The following CD34 variants were observed in gnomAD, a reference collection of about 807,000 sequenced individuals.
The protein encoded by CD34 is CD34 molecule.
Under a neutral mutation model 40.1 loss-of-function variants are expected in CD34, and 34 were observed. The observed-to-expected ratio is 0.85, with a 90% CI of 0.65 to 1.13. The LOEUF is 1.13. Among genes scored for constraint, CD34 ranks in the 50% most tolerant of loss-of-function variants. The pLI, the probability that CD34 is intolerant of heterozygous loss-of-function variation, is 0.00. For synonymous variants in CD34, 209 were observed against 190.0 expected (o/e 1.10, Z -0.82); for missense variants, 426 against 466.9 (o/e 0.91, Z 0.81).
chr1:207,908,676 C>T (rs1662439266), intron 1 of CD34, among the ~76,000 whole-genome samples: 1 of 152,122 alleles, frequency 6.6e-6, no homozygotes, highest in Non-Finnish European at 1.5e-5. Flanking sequence ...AAGGGGTTCC[C>T]TAATTACCTG....
intron 3 of CD34, among the ~76,000 whole-genome samples, chr1:207,898,594 C>A (rs1262911649): frequency 1.3e-5 from 2 of 152,206 alleles, no homozygotes; most frequent in South Asian, 4.1e-4. Context: ...TTTGTCCTAA[C>A]CATTGTGGGA....
chr1:207,901,718 CCT>C (rs1662274435), intron 1 of CD34, among the ~76,000 whole-genome samples: 1 of 152,174 alleles, frequency 6.6e-6, no homozygotes, highest in African/African-American at 2.4e-5. Flanking sequence ...AGTTAGTTGG[CCT>C]GACTTACAAC....
In CD34 at chr1:207,887,882, GC is replaced by G. The variant is rs1425054807; in HGVS notation, c.1013del (p.Gly338AlafsTer18). 6.2e-7 allele frequency: 1 copy of G among 1,614,162 alleles called. No homozygotes were observed. Among genetic ancestry groups the G allele is most frequent in the East Asian group, 2.2e-5 (1 of 44,884 alleles). ...PYYTENGGGQ[G>X]YSSGPGTSPE... is the part of the protein sequence containing the mutation. The stretch of plus-strand genomic sequence containing the variant: ...GGGAGGTCCCAGGTCCTGAGCTATA[GC>G]CCTGGCCTCCACCGTTTTCCGTGTA... On this transcript the variant is annotated frameshift_variant, in exon 8 of 8. Transcript: ENST00000310833. LOFTEE classifies it high-confidence loss of function.
chr1:207,909,472 G>C (rs1662454716), intron 1 of CD34, among the ~76,000 whole-genome samples: 1 of 151,942 alleles, frequency 6.6e-6, no homozygotes, highest in Admixed American at 6.6e-5. Flanking sequence ...GCAGTGCCAG[G>C]ATCTTGGCTC....
chr1:207,888,819 C>T lies in CD34; in HGVS notation c.835G>A (p.Asp279Asn), dbSNP rs1181811731. Residue 279 changes from aspartate (D) to asparagine (N), a missense_variant, in exon 7 of 8, where the codon GAT becomes AAT. Asp to Asn is a conservative substitution (Grantham distance 23, BLOSUM62 1). Coordinates refer to ENST00000310833, the MANE Select transcript of CD34 (RefSeq NM_001025109.2). ...KLGILDFTEQ[D>N]VASHQSYSQK... is the part of the protein sequence containing the mutation. ...GAATAGCTCTGGTGGCTTGCAACATCTTGCTCAGTGAAATCTAGGATCCCC... is the reference window on the plus strand; with the variant it reads ...GAATAGCTCTGGTGGCTTGCAACATTTTGCTCAGTGAAATCTAGGATCCCC... 1 of 1,614,200 alleles carries T rather than the reference C, an allele frequency of 6.2e-7. No individual in the cohort carries two copies. The highest frequency in any genetic ancestry group is 1.3e-5 in the African/African-American group (1 of 75,066).
chr1:207,905,025 G>A (rs142216999), intron 1 of CD34, among the ~76,000 whole-genome samples: 1 of 152,312 alleles, frequency 6.6e-6, no homozygotes, highest in Non-Finnish European at 1.5e-5. Context: ...ATTGTTGAGG[G>A]TCTAGTGTTA....
chr1:207,883,647 G>T lies in CD34; in HGVS notation c.*4091C>A, dbSNP rs1313760383. The T allele has an allele frequency of 6.6e-6, 1 of 152,118 alleles. No homozygotes were observed. Among genetic ancestry groups the T allele is most frequent in the Admixed American group, 6.5e-5 (1 of 15,278 alleles). The allele number at this position is 152,118 out of a possible 1,614,324, so 9.4% of individuals were successfully genotyped here. A position where few individuals can be genotyped will look rare whatever the true frequency, so the allele number is the denominator to read the frequency against. On this transcript the variant is annotated 3_prime_UTR_variant, in exon 8 of 8. Coordinates refer to ENST00000310833, the MANE Select transcript of CD34 (RefSeq NM_001025109.2). Reference sequence around the variant, plus strand: ...AGAACCTACTTCACAGGGTTTCTGTGAATGTTAAGTAAAATATGCTATTTA... The same window carrying T: ...AGAACCTACTTCACAGGGTTTCTGTTAATGTTAAGTAAAATATGCTATTTA...
intron 3 of CD34, 137 bp from the exon 4 acceptor site, chr1:207,897,710 A>C (rs961271055): frequency 1.5e-6 from 1 of 679,462 alleles, no homozygotes; most frequent in South Asian, 1.7e-5. Context: ...GGACATTTAA[A>C]ATTTGTCAGG....
chr1:207,889,671 C>T (rs1661988820), intron 4 of CD34, 50 bp from the exon 5 acceptor site: 1 of 1,611,224 alleles, frequency 6.2e-7, no homozygotes, highest in Non-Finnish European at 8.5e-7. Context: ...TACTGCTCTG[C>T]CCTAAACTGC....
chr1:207,910,857 G>C (rs1662496202), intron 1 of CD34, 145 bp downstream of exon 1: 1 of 814,436 alleles, frequency 1.2e-6, no homozygotes. Flanking sequence ...CTGGCCCCGG[G>C]GGGAAGCAGC....
In CD34 at chr1:207,895,125, A is replaced by T. The variant is rs1337476294; in HGVS notation, c.597+2368T>A. On this transcript the variant is annotated intron_variant, in intron 4 of 7. Transcript: ENST00000310833. ...ATACCTTAAGGCCCTCTGACACCGAAAGTACAAATCCAACCTAAGGAAAAT... is the reference window on the plus strand; with the variant it reads ...ATACCTTAAGGCCCTCTGACACCGATAGTACAAATCCAACCTAAGGAAAAT... Among the ~76,000 whole-genome samples the T allele has an allele frequency of 3.9e-5, 6 of 152,182 alleles. No homozygotes were observed. In the East Asian group the frequency reaches 1.2e-3, roughly 29 times the overall value.
At position 207,899,964 on chromosome 1, in the gene CD34, G is replaced by A. The variant is rs1168777427; in HGVS notation, c.119C>T (p.Thr40Ile). 1 of 1,613,220 alleles carries A rather than the reference G, an allele frequency of 6.2e-7. No individual in the cohort carries two copies. The highest frequency in any genetic ancestry group is 1.3e-5 in the African/African-American group (1 of 74,890). Reference sequence around the variant, plus strand: ...TGTTCCCTGGGTAGGTAACTCTGGGGTAGCAGTACCGTTGTTGTCAAGACT... The same window carrying A: ...TGTTCCCTGGGTAGGTAACTCTGGGATAGCAGTACCGTTGTTGTCAAGACT... ...FMSLDNNGTA[T>I]PELPTQGTFS... Residue 40 changes from threonine (T) to isoleucine (I), a missense_variant, in exon 2 of 8, where the codon ACC (threonine) becomes ATC (isoleucine). By Grantham distance (89) the Thr-to-Ile change is moderately conservative (BLOSUM62 -1). Coordinates refer to ENST00000310833, the MANE Select transcript of CD34 (RefSeq NM_001025109.2).
intron 1 of CD34, among the ~76,000 whole-genome samples, chr1:207,905,562 T>C (rs1419621073): frequency 6.6e-6 from 1 of 152,216 alleles, no homozygotes; most frequent in East Asian, 1.9e-4. Flanking sequence ...TGCTGACCCC[T>C]GATATGGAAA....
At chr1:207,909,006 C>T (rs138917851) in intron 1 of CD34, among the ~76,000 whole-genome samples, 130 of 152,302 alleles carry the variant, frequency 8.5e-4, no homozygotes, top group Non-Finnish European at 1.6e-3. Context: ...ATTTATCCCA[C>T]AATGTATCCC....
rs1323310024 is a variant in CD34, at chr1:207,882,160, T to C, written c.*5578A>G. 6.6e-6 allele frequency: 1 copy of C among 152,162 alleles called. No homozygotes were observed. The highest frequency in any genetic ancestry group is 2.4e-5 in the African/African-American group (1 of 41,428). 9.4% of individuals were successfully genotyped at this position (152,162 alleles called of 1,614,324 possible). A position where few individuals can be genotyped will look rare whatever the true frequency, so the allele number is the denominator to read the frequency against. On this transcript the variant is annotated 3_prime_UTR_variant, in exon 8 of 8. Transcript: ENST00000310833. ...TAAGTCAAACATAGGGAGACTCCGA[T>C]ATGTAGAGAGAAGAAGGCAGAATTG...
At chr1:207,893,412 T>C (rs909788785) in intron 4 of CD34, among the ~76,000 whole-genome samples, 1 of 152,192 alleles carries the variant, frequency 6.6e-6, no homozygotes, top group Non-Finnish European at 1.5e-5. Context: ...TTTATCTATT[T>C]TGGTGTGAGT....
chr1:207,910,734 C>T (rs1335123372), intron 1 of CD34, among the ~76,000 whole-genome samples: 1 of 152,242 alleles, frequency 6.6e-6, no homozygotes, highest in East Asian at 1.9e-4. Flanking sequence ...AGCGCTTTAT[C>T]TCAGTCCATT....
intron 4 of CD34, among the ~76,000 whole-genome samples, chr1:207,897,105 C>T (rs1558120344): frequency 6.6e-6 from 1 of 151,940 alleles, no homozygotes; most frequent in East Asian, 1.9e-4. Flanking sequence ...AATGAACTGA[C>T]ATTTTAGGTG....
At chr1:207,900,289 A>T (rs141950207) in intron 1 of CD34, among the ~76,000 whole-genome samples, 1 of 152,342 alleles carries the variant, frequency 6.6e-6, no homozygotes, top group East Asian at 1.9e-4. Flanking sequence ...GATAAGTGAT[A>T]TATGCACTTA....
Sources: gnomAD v4.1 joint callset for allele counts (sites outside exome capture counted in the v4.1 genomes callset) on GRCh38, gnomAD v4.1.1 for gene constraint, MANE v1.5 for transcripts, NCBI Gene and HGNC (gene_info 2026-07-23, HGNC 2026-07-21) for gene names.